Variants in LRP1B observed in about 807,000 individuals in gnomAD.
LRP1B encodes LDL receptor related protein 1B.
In LRP1B, 217 loss-of-function variants were observed where a neutral mutation model predicts 556.6. The observed-to-expected ratio is 0.39, with a 90% CI of 0.35 to 0.44. The LOEUF (loss-of-function observed/expected upper bound fraction) is 0.44, where lower values mean the gene tolerates loss of function less well. Ranked by LOEUF, LRP1B falls within the 20% of genes least tolerant of loss-of-function variation. LRP1B has a pLI of 1.00. For synonymous variants in LRP1B, 2,047 were observed against 1,865.8 expected, an observed-to-expected ratio of 1.10 and a Z score of -2.50; for missense variants, 5,053 against 5,620.8, an observed-to-expected ratio of 0.90 and a Z score of 3.23.
intron 41 of LRP1B, among the ~76,000 whole-genome samples, chr2:140,676,047 A>T (rs16844472): frequency 1.3e-5 from 2 of 152,168 alleles, no homozygotes; most frequent in East Asian, 3.9e-4. Flanking sequence ...TACTACAATA[A>T]ATTTAAAAGG....
intron 7 of LRP1B, among the ~76,000 whole-genome samples, chr2:141,173,831 G>A (rs1257046705): frequency 6.6e-6 from 1 of 151,964 alleles, no homozygotes; most frequent in Non-Finnish European, 1.5e-5. Flanking sequence ...GCTCTTCTCT[G>A]TTCTTCCTGC....
chr2:140,686,000 C>A (rs980471260), intron 41 of LRP1B, among the ~76,000 whole-genome samples: 1 of 152,080 alleles, frequency 6.6e-6, no homozygotes, highest in African/African-American at 2.4e-5. Flanking sequence ...AAAGACTGAA[C>A]TTCATGGTGT....
In LRP1B at chr2:140,371,211, C is replaced by T. The variant is rs1163645625; in HGVS notation, c.10843G>A (p.Gly3615Arg). ...GAACCATCAGCACAATCATATTCTC[C>T]ATTACATTTCAAAGATGCTGAAATA... Reference protein sequence around the residue: ...GCISASLKCNGEYDCADGSDE... With the variant: ...GCISASLKCNREYDCADGSDE... Residue 3615 changes from glycine to arginine, a missense_variant, in exon 70 of 91, where the codon GGA becomes AGA. Gly to Arg is a moderately radical substitution (Grantham distance 125, BLOSUM62 -2). Transcript: ENST00000389484. 6.3e-7 allele frequency: 1 copy of T among 1,595,300 alleles called. No individual in the cohort carries two copies. The highest frequency in any genetic ancestry group is 8.5e-7 in the Non-Finnish European group (1 of 1,170,762).
At chr2:140,485,097 A>G (rs1162673764) in intron 59 of LRP1B, among the ~76,000 whole-genome samples, 1 of 152,210 alleles carries the variant, frequency 6.6e-6, no homozygotes, top group Admixed American at 6.5e-5. Flanking sequence ...CCATGGATTT[A>G]TCAACTAGTT....
At chr2:140,698,590 T>G (rs980819557) in intron 41 of LRP1B, among the ~76,000 whole-genome samples, 1 of 152,104 alleles carries the variant, frequency 6.6e-6, no homozygotes, top group Non-Finnish European at 1.5e-5. Context: ...TGTGTTGTTT[T>G]GGTTGAAGCA....
At chr2:140,813,911 A>G (rs17575875) in intron 31 of LRP1B, 105 bp from the exon 32 acceptor site, 389,080 of 770,498 alleles carry the variant, frequency 0.5, 102,502 homozygotes, top group East Asian at 0.62. Context: ...GAAAGTTCAG[A>G]TTTTTGTCTT....
At chr2:141,799,808 C>CTGTGTGTGTGTGTGTG (rs145191262) in intron 2 of LRP1B, among the ~76,000 whole-genome samples, 4,824 of 147,690 alleles carry the variant, frequency 0.033, 180 homozygotes, top group African/African-American at 0.088. Flanking sequence ...AAGAGTGTGT[C>CTGTGTGTGTGTGTGTG]TGTGTGTGTG....
In LRP1B at chr2:141,895,222, CCT is replaced by C. The variant is rs1473514449; in HGVS notation, c.83-84823_83-84822del. 2.2e-4 allele frequency among the ~76,000 whole-genome samples: 34 copies of C among 151,314 alleles called. 1 individual carries two copies. In the South Asian group the frequency reaches 6.7e-3, roughly 30 times the overall value. On this transcript the variant is annotated intron_variant, in intron 1 of 90. Transcript: ENST00000389484. ...GGATATTATTTGGTAATAAAAATACCCTGATTGGATAGTAGTTGGAGCCAATG... is the reference window on the plus strand; with the variant it reads ...GGATATTATTTGGTAATAAAAATACCGATTGGATAGTAGTTGGAGCCAATG...
intron 62 of LRP1B, among the ~76,000 whole-genome samples, chr2:140,453,623 C>A (rs1308526919): frequency 1.3e-5 from 2 of 151,938 alleles, no homozygotes; most frequent in Non-Finnish European, 1.5e-5. Flanking sequence ...GAAAAGTCTC[C>A]ATTTTAAAGC....
chr2:141,014,939 A>T (rs1425392902), intron 13 of LRP1B, among the ~76,000 whole-genome samples: 1 of 152,136 alleles, frequency 6.6e-6, no homozygotes. Context: ...CATAATGAGT[A>T]GGCTTAGCCA....
intron 41 of LRP1B, among the ~76,000 whole-genome samples, chr2:140,620,401 C>T (rs1683408224): frequency 6.6e-6 from 1 of 152,104 alleles, no homozygotes; most frequent in South Asian, 2.1e-4. Flanking sequence ...TATATACTTC[C>T]TAGAGAAAAC....
intron 86 of LRP1B, among the ~76,000 whole-genome samples, chr2:140,256,856 A>G (rs552312707): frequency 6.6e-6 from 1 of 151,956 alleles, no homozygotes; most frequent in Non-Finnish European, 1.5e-5. Flanking sequence ...TTTACATAAA[A>G]TTTGTATCAT....
intron 33 of LRP1B, among the ~76,000 whole-genome samples, chr2:140,772,846 C>A (rs1235595144): frequency 6.6e-6 from 1 of 152,040 alleles, no homozygotes; most frequent in East Asian, 1.9e-4. Flanking sequence ...GTGCTCATAC[C>A]TGTAATCTCA....
At chr2:141,140,586 A>G (rs534517323) in intron 7 of LRP1B, among the ~76,000 whole-genome samples, 223 of 152,264 alleles carry the variant, frequency 1.5e-3, no homozygotes, top group Non-Finnish European at 2.6e-3. Flanking sequence ...CCAGAAATGC[A>G]TACACACAGA....
At chr2:141,595,068 A>T (rs1383329357) in intron 2 of LRP1B, among the ~76,000 whole-genome samples, 1 of 152,156 alleles carries the variant, frequency 6.6e-6, no homozygotes, top group Non-Finnish European at 1.5e-5. Context: ...TACAAACAGA[A>T]TATTTAACCA....
At chr2:140,917,618 A>G (rs989841481) in intron 21 of LRP1B, among the ~76,000 whole-genome samples, 1 of 152,160 alleles carries the variant, frequency 6.6e-6, no homozygotes, top group African/African-American at 2.4e-5. Flanking sequence ...GATTTCAGTG[A>G]CATGACACTC....
chr2:141,895,156 A>G (rs925138044), intron 1 of LRP1B, among the ~76,000 whole-genome samples: 2 of 152,158 alleles, frequency 1.3e-5, no homozygotes, highest in Non-Finnish European at 2.9e-5. Flanking sequence ...TTAAAAATAA[A>G]TGAAATGAAG....
chr2:140,299,041 CTT>C (rs1433250072), intron 83 of LRP1B, among the ~76,000 whole-genome samples: 3 of 152,130 alleles, frequency 2.0e-5, no homozygotes, highest in African/African-American at 4.8e-5. Flanking sequence ...CCATCTTTCT[CTT>C]GTCTTTGTAG....
At chr2:141,323,921 C>CCACACACA (rs57844457) in intron 3 of LRP1B, among the ~76,000 whole-genome samples, 3,253 of 129,892 alleles carry the variant, frequency 0.025, 144 homozygotes, top group African/African-American at 0.083. Context: ...AACGAGGAAA[C>CCACACACA]CACACACACA....
Sources: gnomAD v4.1 joint callset for allele counts (sites outside exome capture counted in the v4.1 genomes callset) on GRCh38, gnomAD v4.1.1 for gene constraint, MANE v1.5 for transcripts, NCBI Gene and HGNC (gene_info 2026-07-23, HGNC 2026-07-21) for gene names.